TPST1: variants seen among roughly 807,000 people sequenced by gnomAD.
TPST1 encodes the protein protein-tyrosine sulfotransferase 1.
A neutral mutation model predicts 34.8 loss-of-function variants in TPST1; 20 were observed. That is an observed-to-expected ratio of 0.57 (90% CI 0.40 to 0.84). The LOEUF is 0.84. Ranked by LOEUF, TPST1 falls within the 40% of genes least tolerant of loss-of-function variation. TPST1 has a pLI of 0.00. For missense variants in TPST1, 353 were observed against 455.5 expected, an observed-to-expected ratio of 0.78 and a Z score of 2.05; for synonymous variants, 152 against 159.4, an observed-to-expected ratio of 0.95 and a Z score of 0.35.
chr7:66,328,323 G>A (rs2116250444), intron 3 of TPST1, among the ~76,000 whole-genome samples: 1 of 151,444 alleles, frequency 6.6e-6, no homozygotes, highest in East Asian at 2.0e-4. Flanking sequence ...CACCGCGCCT[G>A]GCCCTATCAT....
intron 3 of TPST1, among the ~76,000 whole-genome samples, chr7:66,351,808 T>C (rs1792485189): frequency 6.6e-6 from 1 of 152,128 alleles, no homozygotes; most frequent in Non-Finnish European, 1.5e-5. Context: ...CTCAATAGTG[T>C]TTTATAGTTT....
the TPST1 span, among the ~76,000 whole-genome samples, chr7:66,199,759 G>A: frequency 6.6e-6 from 1 of 151,446 alleles, no homozygotes; most frequent in African/African-American, 2.4e-5. Context: ...TGTCGCCCAG[G>A]CTGGAGTGCA....
chr7:66,211,056 CTG>C (rs34120253), intron 1 of TPST1, among the ~76,000 whole-genome samples: 89,735 of 151,730 alleles, frequency 0.59, 26,949 homozygotes, highest in African/African-American at 0.68. Context: ...TTTCCTGGTA[CTG>C]TGTACATTTA....
chr7:66,350,774 A>G (rs533931602), intron 3 of TPST1, among the ~76,000 whole-genome samples: 5 of 152,272 alleles, frequency 3.3e-5, no homozygotes, highest in African/African-American at 9.6e-5. Flanking sequence ...GTGGTTATCA[A>G]ACTTCTTCCT....
At chr7:66,229,046 C>G (rs574414136) in intron 1 of TPST1, among the ~76,000 whole-genome samples, 77 of 152,190 alleles carry the variant, frequency 5.1e-4, no homozygotes, top group African/African-American at 1.8e-3. Flanking sequence ...TCACACAGTC[C>G]CCTGGCATCC....
intron 3 of TPST1, among the ~76,000 whole-genome samples, chr7:66,305,507 T>C (rs1225366725): frequency 6.6e-6 from 1 of 152,224 alleles, no homozygotes; most frequent in African/African-American, 2.4e-5. Context: ...CCTTCTTCCA[T>C]TGAGTATTTT....
chr7:66,260,964 A>G (rs1274655135), intron 2 of TPST1, among the ~76,000 whole-genome samples: 2 of 152,182 alleles, frequency 1.3e-5, no homozygotes, highest in Non-Finnish European at 1.5e-5. Flanking sequence ...CATTTAGCAC[A>G]TCTCCAGAAT....
chr7:66,357,143 T>C (rs1392063091), intron 5 of TPST1, among the ~76,000 whole-genome samples: 2 of 152,202 alleles, frequency 1.3e-5, no homozygotes, highest in South Asian at 2.1e-4. Flanking sequence ...CACAATAGTA[T>C]TGTTATTTTC....
intron 1 of TPST1, among the ~76,000 whole-genome samples, chr7:66,208,446 T>C (rs1036696041): frequency 3.3e-5 from 5 of 152,050 alleles, no homozygotes; most frequent in Admixed American, 3.3e-4. Flanking sequence ...CATACTTCCA[T>C]CTCCATTTTT....
chr7:66,279,296 G>A (rs1790885516), intron 2 of TPST1, among the ~76,000 whole-genome samples: 1 of 152,164 alleles, frequency 6.6e-6, no homozygotes. Context: ...ATTCCATGGT[G>A]TATATCTACC....
At chr7:66,303,737 ATAAG>A (rs1791365420) in intron 3 of TPST1, among the ~76,000 whole-genome samples, 1 of 152,206 alleles carries the variant, frequency 6.6e-6, no homozygotes, top group Non-Finnish European at 1.5e-5. Context: ...AAAAAAATAA[ATAAG>A]TAAAGACTTT....
chr7:66,257,297 C>T (rs1193345226), intron 2 of TPST1, among the ~76,000 whole-genome samples: 2 of 152,134 alleles, frequency 1.3e-5, no homozygotes, highest in African/African-American at 4.8e-5. Context: ...ATTAAAGATA[C>T]AAGTTATCCT....
At chr7:66,281,144 A>G (rs2115891318) in intron 2 of TPST1, among the ~76,000 whole-genome samples, 1 of 152,270 alleles carries the variant, frequency 6.6e-6, no homozygotes, top group Middle Eastern at 3.4e-3. Flanking sequence ...TGGTTTGTGT[A>G]TGTTGAACCC....
At chr7:66,246,267 G>T (rs1322383391) in intron 2 of TPST1, among the ~76,000 whole-genome samples, 1 of 140,400 alleles carries the variant, frequency 7.1e-6, no homozygotes, top group East Asian at 2.3e-4. Context: ...CTGGCCTCAA[G>T]CAGTCTTCCT....
chr7:66,335,466 A>C (rs1007223196), intron 3 of TPST1, among the ~76,000 whole-genome samples: 5 of 152,156 alleles, frequency 3.3e-5, no homozygotes, highest in Non-Finnish European at 7.3e-5. Context: ...AAAAAAAAAA[A>C]AAGTTGGGAT....
rs1789700695 is a variant in TPST1 at position 66,228,026 on chromosome 7, CAA to C, written c.-101-12298_-101-12297del. 3.3e-5 allele frequency among the ~76,000 whole-genome samples: 5 copies of C among 152,120 alleles called. No homozygotes were observed. In the South Asian group the frequency reaches 1.0e-3, roughly 31 times the overall value. On this transcript the variant is annotated intron_variant, in intron 1 of 5. Coordinates refer to ENST00000304842, the MANE Select transcript of TPST1 (RefSeq NM_003596.4). ...ACTATGCAGGCATTAAAATGATCTA[CAA>C]GTATGTTTTTGGACAAGGAAATGCA...
intron 3 of TPST1, among the ~76,000 whole-genome samples, chr7:66,287,123 C>A (rs979052582): frequency 5.6e-4 from 79 of 140,512 alleles, no homozygotes; most frequent in African/African-American, 2.1e-3. Context: ...TTTGTTCTTG[C>A]AATAGTTTAC....
chr7:66,226,735 T>TC (rs1789663676), intron 1 of TPST1, among the ~76,000 whole-genome samples: 1 of 152,182 alleles, frequency 6.6e-6, no homozygotes, highest in Admixed American at 6.5e-5. Flanking sequence ...ATCACTCAAA[T>TC]TTGTGTCCGT....
intron 3 of TPST1, among the ~76,000 whole-genome samples, chr7:66,337,813 A>G (rs951144526): frequency 1.3e-5 from 2 of 152,216 alleles, no homozygotes; most frequent in Admixed American, 1.3e-4. Context: ...TAAGCCTCAC[A>G]GTAACCATAA....
Sources: allele counts gnomAD v4.1 joint callset (sites outside exome capture counted in the v4.1 genomes callset), GRCh38; gene constraint gnomAD v4.1.1; transcripts MANE v1.5; gene names NCBI Gene and HGNC (gene_info 2026-07-23, HGNC 2026-07-21).